Variants in ACO1 observed in about 807,000 individuals in gnomAD.
ACO1 encodes the protein aconitase 1, also known as cytoplasmic aconitate hydratase.
A neutral mutation model predicts 105.1 loss-of-function variants in ACO1; 78 were observed. The ratio of observed to expected loss-of-function variants is 0.74; its 90% CI spans 0.62 to 0.90. The LOEUF (loss-of-function observed/expected upper bound fraction) is 0.90. ACO1 is among the 40% of genes least tolerant of loss of function. The pLI is 0.00. For missense variants in ACO1, 965 were observed against 1,111.1 expected (o/e 0.87, Z 1.87); for synonymous variants, 364 against 397.4 (o/e 0.92, Z 1.00).
chr9:32,398,037 G>A (rs72561742), intron 1 of ACO1, among the ~76,000 whole-genome samples: 4 of 152,044 alleles, frequency 2.6e-5, no homozygotes, highest in Non-Finnish European at 5.9e-5. Context: ...TTCTCATCCT[G>A]TCCAGCCCAC....
At chr9:32,431,163 C>T (rs561507798) in intron 14 of ACO1, among the ~76,000 whole-genome samples, 3 of 152,304 alleles carry the variant, frequency 2.0e-5, no homozygotes, top group East Asian at 1.9e-4. Flanking sequence ...AGTATGTTCA[C>T]GGTCATTCAC....
chr9:32,450,337 A>C lies in ACO1; in HGVS notation c.*226A>C. On this transcript the variant is annotated 3_prime_UTR_variant, in exon 21 of 21. Coordinates refer to ENST00000309951, the MANE Select transcript of ACO1 (RefSeq NM_002197.3). ...CTTTTTCCAGAATTTGGAAGCTAGA[A>C]TGGTGGGAATGTCAGTAGTGCCAGA... The C allele has an allele frequency of 1.6e-6, 1 of 611,350 alleles. No individual in the cohort carries two copies. The allele number at this position is 611,350 out of a possible 1,614,324, so 37.9% of individuals were successfully genotyped here.
chr9:32,445,595 T>G, intron 19 of ACO1: 1 of 312,132 alleles, frequency 3.2e-6, no homozygotes, highest in Non-Finnish European at 6.5e-6. Flanking sequence ...TTGAACAGTT[T>G]CTGGTGTCTC....
At chr9:32,401,208 T>C (rs1821488637) in intron 1 of ACO1, among the ~76,000 whole-genome samples, 1 of 152,176 alleles carries the variant, frequency 6.6e-6, no homozygotes, top group South Asian at 2.1e-4. Flanking sequence ...GTCAGTTCTC[T>C]GGAATTCTGA....
At chr9:32,399,966 G>GTTTTT (rs57615512) in intron 1 of ACO1, among the ~76,000 whole-genome samples, 880 of 69,732 alleles carry the variant, frequency 0.013, 134 homozygotes, top group Middle Eastern at 0.025. Flanking sequence ...TTCTTTTTCT[G>GTTTTT]TTTTTTTTTT....
Position 32,452,064 on chromosome 9 carries a change from C to CAAAAAAAAAA in ACO1, c.*1959_*1968dup, listed in dbSNP as rs35264413. 7.3e-6 allele frequency: 1 copy of CAAAAAAAAAA among 137,348 alleles called. No individual in the cohort carries two copies. The highest frequency in any genetic ancestry group is 2.8e-5 in the African/African-American group (1 of 35,668). 8.5% of individuals were successfully genotyped at this position (137,348 alleles called of 1,614,324 possible). A position where few individuals can be genotyped will look rare whatever the true frequency, so the allele number is the denominator to read the frequency against. On this transcript the variant is annotated 3_prime_UTR_variant, in exon 21 of 21. Coordinates refer to ENST00000309951, the MANE Select transcript of ACO1 (RefSeq NM_002197.3). Reference sequence around the variant, plus strand: ...GGGCTACAAGAGCAAAGCTCCGTCTCAAAAAAAAAAAAAAATTACAAACAA... The same window carrying CAAAAAAAAAA: ...GGGCTACAAGAGCAAAGCTCCGTCTCAAAAAAAAAAAAAAAAAAAAAAAAATTACAAACAA...
Position 32,448,898 on chromosome 9 carries a change from A to T in ACO1, c.2373A>T (p.Gly791=). ...AAACTACTGTCTTTATTCATCAGGGAATCAAAGCCGTCCTGGCCGAGAGCT... is the reference window on the plus strand; with the variant it reads ...AAACTACTGTCTTTATTCATCAGGGTATCAAAGCCGTCCTGGCCGAGAGCT... ...DWAAKGPFLL[G]IKAVLAESYE... Residue 791 remains glycine, a splice_region_variant and synonymous_variant, in exon 20 of 21, where the codon GGA becomes GGT. Coordinates refer to ENST00000309951, the MANE Select transcript of ACO1 (RefSeq NM_002197.3). 6.2e-7 allele frequency: 1 copy of T among 1,614,218 alleles called. No individual in the cohort carries two copies. The highest frequency in any genetic ancestry group is 8.5e-7 in the Non-Finnish European group (1 of 1,180,028).
intron 18 of ACO1, among the ~76,000 whole-genome samples, chr9:32,437,141 TG>T (rs1229050374): frequency 6.6e-6 from 1 of 152,228 alleles, no homozygotes; most frequent in East Asian, 1.9e-4. Context: ...AATATGTCTA[TG>T]GCACTTAACT....
chr9:32,405,613 T>C lies in ACO1; in HGVS notation c.97+10T>C. 1 of 1,564,254 alleles carries C rather than the reference T, an allele frequency of 6.4e-7. No individual in the cohort carries two copies. On this transcript the variant is annotated intron_variant, in intron 2 of 20. Coordinates refer to ENST00000309951, the MANE Select transcript of ACO1 (RefSeq NM_002197.3). ...GAGGATTCAAGATATGGTAGGTACA[T>C]GGCTGTGATAGCAATTGGAATCTCA...
chr9:32,410,829 T>G (rs1821722011), intron 4 of ACO1, among the ~76,000 whole-genome samples: 1 of 152,166 alleles, frequency 6.6e-6, no homozygotes, highest in African/African-American at 2.4e-5. Context: ...CTTACACATC[T>G]TCTAGTTGTT....
intron 1 of ACO1, among the ~76,000 whole-genome samples, chr9:32,399,435 G>A (rs1405955120): frequency 1.3e-5 from 2 of 152,180 alleles, no homozygotes; most frequent in African/African-American, 4.8e-5. Context: ...TCTATTGCCT[G>A]GTTTGAGTAC....
chr9:32,429,127 A>G (rs1035912211), intron 12 of ACO1, among the ~76,000 whole-genome samples: 5 of 152,216 alleles, frequency 3.3e-5, no homozygotes, highest in Non-Finnish European at 7.3e-5. Context: ...TCTCCTTAGG[A>G]TTATACAATA....
chr9:32,421,561 A>G (rs1200602006), intron 8 of ACO1, among the ~76,000 whole-genome samples: 2 of 152,146 alleles, frequency 1.3e-5, no homozygotes, highest in Non-Finnish European at 2.9e-5. Context: ...AAAAAATGAA[A>G]TGAGTCCAGG....
At position 32,431,686 on chromosome 9, in the gene ACO1, A is replaced by C. The variant is rs905963090; in HGVS notation, c.1727-33A>C. On this transcript the variant is annotated intron_variant, in intron 14 of 20. Transcript: ENST00000309951. ...ATAATCATGAAAATTGCATATTAGA[A>C]AGTTTTCTCATTAATAAACATTTTT... 2.5e-6 allele frequency: 4 copies of C among 1,612,674 alleles called. No homozygotes were observed. The South Asian group carries it at 4.4e-5, about 18-fold the overall frequency.
At chr9:32,427,534 G>A in intron 12 of ACO1, 98 bp downstream of exon 12, 1 of 1,482,844 alleles carries the variant, frequency 6.7e-7, no homozygotes, top group Non-Finnish European at 9.3e-7. Context: ...ATTATCTGAT[G>A]ATATCTAATT....
chr9:32,397,199 G>A (rs934083964), intron 1 of ACO1, among the ~76,000 whole-genome samples: 1 of 152,154 alleles, frequency 6.6e-6, no homozygotes, highest in Non-Finnish European at 1.5e-5. Flanking sequence ...ACATGTTGAC[G>A]TAATGTGGTT....
In ACO1 at chr9:32,452,321, A is replaced by T. The variant is rs369123285; in HGVS notation, c.*2210A>T. ...TAACCCCCCAGGTAATGGTAATAGA[A>T]GCTGGGGCCTTTGGAAGGTGATTAG... On this transcript the variant is annotated 3_prime_UTR_variant, in exon 21 of 21. Coordinates refer to ENST00000309951, the MANE Select transcript of ACO1 (RefSeq NM_002197.3). The T allele has an allele frequency of 1.3e-5, 2 of 152,206 alleles. No homozygotes were observed. The highest frequency in any genetic ancestry group is 3.9e-4 in the East Asian group (2 of 5,172). 9.4% of individuals were successfully genotyped at this position (152,206 alleles called of 1,614,324 possible).
At chr9:32,412,524 C>T (rs1481660063) in intron 4 of ACO1, among the ~76,000 whole-genome samples, 1 of 152,156 alleles carries the variant, frequency 6.6e-6, no homozygotes, top group Admixed American at 6.5e-5. Context: ...AATGATCTTT[C>T]TCCAGTTAAT....
intron 1 of ACO1, among the ~76,000 whole-genome samples, chr9:32,403,946 G>GGA (rs1821552235): frequency 6.6e-6 from 1 of 152,186 alleles, no homozygotes; most frequent in Admixed American, 6.6e-5. Flanking sequence ...CAAATGAAAG[G>GGA]GAGAGTAGCA....
Sources: allele counts gnomAD v4.1 joint callset (sites outside exome capture counted in the v4.1 genomes callset), GRCh38; gene constraint gnomAD v4.1.1; transcripts MANE v1.5; gene names NCBI Gene and HGNC (gene_info 2026-07-23, HGNC 2026-07-21).